Variants in TMEM169 observed in about 807,000 individuals in gnomAD.
TMEM169 encodes transmembrane protein 169.
A neutral mutation model predicts 27.3 loss-of-function variants in TMEM169; 18 were observed. The observed-to-expected ratio is 0.66, with a 90% CI of 0.46 to 0.98. The LOEUF is 0.98. Ranked by LOEUF, TMEM169 falls within the 50% of genes least tolerant of loss-of-function variation. TMEM169 has a pLI of 0.00. For synonymous variants in TMEM169, 136 were observed against 142.1 expected, an observed-to-expected ratio of 0.96 and a Z score of 0.30; for missense variants, 320 against 368.6, an observed-to-expected ratio of 0.87 and a Z score of 1.08.
Position 216,102,731 on chromosome 2 carries a change from C to T in TMEM169, c.*2189C>T, listed in dbSNP as rs1344176586. 1 of 151,724 alleles carries T rather than the reference C, an allele frequency of 6.6e-6. No individual in the cohort carries two copies. Among genetic ancestry groups the T allele is most frequent in the Non-Finnish European group, 1.5e-5 (1 of 67,944 alleles). 9.4% of individuals were successfully genotyped at this position (151,724 alleles called of 1,614,324 possible). A position where few individuals can be genotyped will look rare whatever the true frequency, so the allele number is the denominator to read the frequency against. On this transcript the variant is annotated 3_prime_UTR_variant, in exon 3 of 3. Coordinates refer to ENST00000437356, the MANE Select transcript of TMEM169 (RefSeq NM_001142311.2). ...TATGGTGCATTAGCAGAGATATGAA[C>T]AATTAAATGAAGACAAAGAAAATAA...
chr2:216,093,707 A>G (rs1696192998), intron 1 of TMEM169, among the ~76,000 whole-genome samples: 1 of 152,164 alleles, frequency 6.6e-6, no homozygotes, highest in African/African-American at 2.4e-5. Flanking sequence ...ACTGGGTGAG[A>G]GGGCAGCAGA....
chr2:216,099,082 G>A lies in TMEM169; in HGVS notation c.272-838G>A, dbSNP rs1002596615. Among the ~76,000 whole-genome samples the A allele has an allele frequency of 1.3e-5, 2 of 151,374 alleles. No homozygotes were observed. Among genetic ancestry groups the A allele is most frequent in the Middle Eastern group, 3.2e-3 (1 of 316 alleles). ...GTGTGTGATGTGTATGTGTGTGTGT[G>A]GTGTGTTATGTGTGTATGTTGCATG... On this transcript the variant is annotated intron_variant, in intron 2 of 2. Coordinates refer to ENST00000437356, the MANE Select transcript of TMEM169 (RefSeq NM_001142311.2). The surrounding 1 kb of genome is among the most constrained non-coding windows in gnomAD (Gnocchi z 5.0).
intron 1 of TMEM169, among the ~76,000 whole-genome samples, chr2:216,083,422 G>A (rs1360482996): frequency 6.6e-6 from 1 of 152,146 alleles, no homozygotes; most frequent in East Asian, 1.9e-4. Flanking sequence ...TTCAAGAGAA[G>A]TCCAGACTTT....
intron 1 of TMEM169, among the ~76,000 whole-genome samples, chr2:216,092,217 T>C (rs1477838194): frequency 1.3e-5 from 2 of 152,132 alleles, no homozygotes; most frequent in Non-Finnish European, 2.9e-5. Flanking sequence ...CCCAAGAGAC[T>C]CCAAAGCTTC....
chr2:216,092,105 G>A (rs963567353), intron 1 of TMEM169, among the ~76,000 whole-genome samples: 1 of 152,144 alleles, frequency 6.6e-6, no homozygotes, highest in African/African-American at 2.4e-5. Flanking sequence ...TCTTGTCTAA[G>A]GTTTTAATGG....
chr2:216,090,016 T>TGTGC (rs1696089603), intron 1 of TMEM169, among the ~76,000 whole-genome samples: 1 of 152,146 alleles, frequency 6.6e-6, no homozygotes, highest in Non-Finnish European at 1.5e-5. Flanking sequence ...GACTTGCGCG[T>TGTGC]GTGCGTGCGT....
Position 216,101,582 on chromosome 2 carries a change from A to C in TMEM169, c.*1040A>C, listed in dbSNP as rs1402569710. 1 of 152,170 alleles carries C rather than the reference A, an allele frequency of 6.6e-6. No individual in the cohort carries two copies. Among genetic ancestry groups the C allele is most frequent in the African/African-American group, 2.4e-5 (1 of 41,448 alleles). The allele number at this position is 152,170 out of a possible 1,614,324, so 9.4% of individuals were successfully genotyped here. ...CAACCTTCGCCTCCTGGGTTCAAGC[A>C]ATTCTTGTGCCTTGGCCTCCCCAGT... On this transcript the variant is annotated 3_prime_UTR_variant, in exon 3 of 3. Transcript: ENST00000437356.
intron 1 of TMEM169, among the ~76,000 whole-genome samples, chr2:216,089,774 G>A (rs921047998): frequency 6.6e-6 from 1 of 152,130 alleles, no homozygotes; most frequent in Non-Finnish European, 1.5e-5. Context: ...CTAAATCTTG[G>A]TGGGGAAATC....
chr2:216,088,551 T>G (rs1043118495), intron 1 of TMEM169, among the ~76,000 whole-genome samples: 1 of 152,058 alleles, frequency 6.6e-6, no homozygotes, highest in Non-Finnish European at 1.5e-5. Context: ...AAATATTTAC[T>G]GAAGCTGGGC....
intron 2 of TMEM169, among the ~76,000 whole-genome samples, chr2:216,096,718 A>AT (rs918546964): frequency 1.3e-4 from 20 of 152,066 alleles, no homozygotes; most frequent in African/African-American, 4.3e-4. Flanking sequence ...CACCTATTAC[A>AT]TTTTTTTCTA....
chr2:216,099,231 T>G lies in TMEM169; in HGVS notation c.272-689T>G, dbSNP rs1696331481. On this transcript the variant is annotated intron_variant, in intron 2 of 2. Coordinates refer to ENST00000437356, the MANE Select transcript of TMEM169 (RefSeq NM_001142311.2). This position sits in a 1 kb window ranked among gnomAD's most constrained non-coding sequence, Gnocchi z 5.0. ...TGTGTTATGTATGGTGTTTGGTATA[T>G]GTGGTGTGGGTATGTGGTGTGTATG... Among the ~76,000 whole-genome samples the G allele has an allele frequency of 6.7e-6, 1 of 150,226 alleles. No homozygotes were observed. The highest frequency in any genetic ancestry group is 6.6e-5 in the Admixed American group (1 of 15,060).
chr2:216,082,456 C>T (rs2105976144), intron 1 of TMEM169: 1 of 152,562 alleles, frequency 6.6e-6, no homozygotes, highest in East Asian at 1.9e-4. Context: ...ACCCAAGAAT[C>T]AAGGGGAAAG....
At chr2:216,094,009 AT>A (rs1322965426) in intron 1 of TMEM169, among the ~76,000 whole-genome samples, 1 of 152,222 alleles carries the variant, frequency 6.6e-6, no homozygotes, top group Non-Finnish European at 1.5e-5. Context: ...GAACATTTGA[AT>A]ACACATGAGA....
intron 1 of TMEM169, among the ~76,000 whole-genome samples, chr2:216,083,112 A>G (rs1218434984): frequency 6.6e-6 from 1 of 150,952 alleles, no homozygotes. Flanking sequence ...TTCTCCCTCT[A>G]TCTTTGTTGC....
rs1360524362 is a variant in TMEM169, at chr2:216,100,962, A to G, written c.*420A>G. On this transcript the variant is annotated 3_prime_UTR_variant, in exon 3 of 3. Transcript: ENST00000437356. ...AGTGAGACATTTAGGAAGCTGGACTACCACAGTGTAGCAGAAGGTAAAGAT... is the reference window on the plus strand; with the variant it reads ...AGTGAGACATTTAGGAAGCTGGACTGCCACAGTGTAGCAGAAGGTAAAGAT... The G allele has an allele frequency of 4.1e-6, 1 of 244,104 alleles. No homozygotes were observed. The highest frequency in any genetic ancestry group is 8.0e-6 in the Non-Finnish European group (1 of 124,620). The allele number at this position is 244,104 out of a possible 1,614,324, so 15.1% of individuals were successfully genotyped here.
In TMEM169 at chr2:216,100,324, G is replaced by A. The variant is rs760126965; in HGVS notation, c.676G>A (p.Gly226Ser). The A allele has an allele frequency of 9.3e-6, 15 of 1,613,518 alleles. No homozygotes were observed. In the Admixed American group the frequency reaches 1.0e-4, roughly 11 times the overall value. The change falls in exon 3 of 3, where the codon GGC becomes AGC. Residue 226 changes from glycine (G) to serine (S), a missense_variant. Physicochemically the swap from Gly to Ser is moderately conservative, Grantham distance 56. Coordinates refer to ENST00000437356, the MANE Select transcript of TMEM169 (RefSeq NM_001142311.2). ...CATCATGGCCATGGCTTCTTCCCTCGGCCTCTACGCTGCTGTGGTCCAGCT... is the reference window on the plus strand; with the variant it reads ...CATCATGGCCATGGCTTCTTCCCTCAGCCTCTACGCTGCTGTGGTCCAGCT... ...VLIMAMASSLGLYAAVVQLSW... is the reference protein window; with the variant it reads ...VLIMAMASSLSLYAAVVQLSW...
At chr2:216,096,884 T>G (rs1203634141) in intron 2 of TMEM169, among the ~76,000 whole-genome samples, 1 of 152,204 alleles carries the variant, frequency 6.6e-6, no homozygotes, top group Non-Finnish European at 1.5e-5. Flanking sequence ...AAGAAAATTA[T>G]GAGAAAATTT....
chr2:216,087,710 C>T (rs1313700074), intron 1 of TMEM169, among the ~76,000 whole-genome samples: 1 of 152,170 alleles, frequency 6.6e-6, no homozygotes, highest in Non-Finnish European at 1.5e-5. Context: ...AATAAAGGTA[C>T]CTACTTCACT....
At position 216,100,259 on chromosome 2, in the gene TMEM169, T is replaced by C. The variant is rs1399881583; in HGVS notation, c.611T>C (p.Ile204Thr). 6.2e-7 allele frequency: 1 copy of C among 1,613,652 alleles called. No homozygotes were observed. The highest frequency in any genetic ancestry group is 1.3e-5 in the African/African-American group (1 of 74,768). ...GAGGAAAGGACCTTCTGGCACAAGA[T>C]CTCGTATTGCCCTTGCCTCGTTCTC... is the stretch of plus-strand genomic sequence containing the variant. Reference protein sequence around the residue: ...YNEERTFWHKISYCPCLVLFY... With the variant: ...YNEERTFWHKTSYCPCLVLFY... The change falls in exon 3 of 3, where the codon ATC (isoleucine) becomes ACC (threonine). Residue 204 changes from isoleucine (I) to threonine (T), a missense_variant. Ile to Thr is a moderately conservative substitution (Grantham distance 89). Transcript: ENST00000437356.
Sources: allele counts gnomAD v4.1 joint callset (sites outside exome capture counted in the v4.1 genomes callset), GRCh38; gene constraint gnomAD v4.1.1; non-coding constraint Gnocchi (gnomAD v3.1); transcripts MANE v1.5; gene names NCBI Gene and HGNC (gene_info 2026-07-23, HGNC 2026-07-21).